The following CNTN5 variants were observed in gnomAD, a reference collection of about 807,000 sequenced individuals.
CNTN5 encodes contactin-5.
A neutral mutation model predicts 129.1 loss-of-function variants in CNTN5; 77 were observed. The ratio of observed to expected loss-of-function variants is 0.60; its 90% CI spans 0.50 to 0.72. CNTN5 has a LOEUF of 0.72. Among genes scored for constraint, CNTN5 ranks in the 30% least tolerant of loss-of-function variants. The pLI, the probability that CNTN5 is intolerant of heterozygous loss-of-function variation, is 0.00. For synonymous variants in CNTN5, 509 were observed against 465.6 expected (o/e 1.09, Z -1.20); for missense variants, 1,478 against 1,328.8 (o/e 1.11, Z -1.75).
At chr11:100,178,151 C>T (rs2138438552) in intron 13 of CNTN5, among the ~76,000 whole-genome samples, 1 of 152,222 alleles carries the variant, frequency 6.6e-6, no homozygotes, top group South Asian at 2.1e-4. Flanking sequence ...AGGAGAATAG[C>T]AGCTCTTTTC....
chr11:99,868,887 T>C (rs568593727), intron 6 of CNTN5, among the ~76,000 whole-genome samples: 1 of 152,284 alleles, frequency 6.6e-6, no homozygotes, highest in South Asian at 2.1e-4. Context: ...TTAGGTACAT[T>C]AGTCTGACAG....
intron 2 of CNTN5, among the ~76,000 whole-genome samples, chr11:99,453,390 A>T (rs1944381647): frequency 6.6e-6 from 1 of 152,218 alleles, no homozygotes; most frequent in Non-Finnish European, 1.5e-5. Flanking sequence ...TCATAACTGA[A>T]ACCATTTGCT....
At chr11:99,140,899 A>ATTTTT (rs71046669) in intron 1 of CNTN5, among the ~76,000 whole-genome samples, 7 of 149,742 alleles carry the variant, frequency 4.7e-5, no homozygotes, top group African/African-American at 1.5e-4. Flanking sequence ...ATTTTCTAGT[A>ATTTTT]TTTTTTTTTT....
chr11:99,797,359 A>G lies in CNTN5; in HGVS notation c.56-22185A>G, dbSNP rs187117879. ...TTTCACGTTGGCTGAGCAAATTTAC[A>G]TACCTGCCAATAGTGTATAAGTGTT... On this transcript the variant is annotated intron_variant, in intron 3 of 24. Transcript: ENST00000524871. Among the ~76,000 whole-genome samples the G allele has an allele frequency of 1.4e-3, 214 of 152,312 alleles. 1 individual carries two copies. Among genetic ancestry groups the G allele is most frequent in the African/African-American group, 5.0e-3 (207 of 41,556 alleles).
intron 13 of CNTN5, among the ~76,000 whole-genome samples, chr11:100,187,323 T>C (rs1390006543): frequency 2.0e-5 from 3 of 151,998 alleles, no homozygotes; most frequent in Non-Finnish European, 4.4e-5. Context: ...AATCAGATTG[T>C]CAGCAAAGCT....
chr11:99,914,782 A>G (rs181600467), intron 6 of CNTN5, among the ~76,000 whole-genome samples: 1 of 152,162 alleles, frequency 6.6e-6, no homozygotes, highest in East Asian at 1.9e-4. Flanking sequence ...TACTTATTAG[A>G]CCCCCATGAT....
chr11:99,083,057 C>T (rs1591162954), intron 1 of CNTN5, among the ~76,000 whole-genome samples: 2 of 149,860 alleles, frequency 1.3e-5, no homozygotes, highest in South Asian at 2.1e-4. Context: ...CACACACACA[C>T]GAAGAAGACA....
At chr11:99,252,497 A>G (rs925913460) in intron 1 of CNTN5, among the ~76,000 whole-genome samples, 1 of 151,894 alleles carries the variant, frequency 6.6e-6, no homozygotes, top group African/African-American at 2.4e-5. Context: ...TTAGGAAAAA[A>G]AAAAAAGAAA....
intron 3 of CNTN5, among the ~76,000 whole-genome samples, chr11:99,759,685 A>C (rs903068437): frequency 1.4e-5 from 2 of 145,748 alleles, no homozygotes; most frequent in African/African-American, 2.5e-5. Context: ...GAAAGATAGC[A>C]TAAGAAAAAG....
rs569157157 is a variant in CNTN5 at position 99,841,423 on chromosome 11, C to T, written c.278-3429C>T. Among the ~76,000 whole-genome samples, 87 of 152,184 alleles carry T rather than the reference C, an allele frequency of 5.7e-4. No individual in the cohort carries two copies. In the South Asian group the frequency reaches 0.01, roughly 18 times the overall value. On this transcript the variant is annotated intron_variant, in intron 4 of 24. Transcript: ENST00000524871. ...TCTTAAAATCAACTGTCTTCTTATA[C>T]GGCTAACTTTGCAGGAGTCTCCTCT...
intron 1 of CNTN5, among the ~76,000 whole-genome samples, chr11:99,144,382 C>T (rs55732753): frequency 0.15 from 23,452 of 152,162 alleles, 1,903 homozygotes; most frequent in Middle Eastern, 0.21. Flanking sequence ...TGCCATATTT[C>T]ATAAGAGAAG....
intron 2 of CNTN5, among the ~76,000 whole-genome samples, chr11:99,516,698 T>C (rs1025441205): frequency 6.6e-6 from 1 of 152,166 alleles, no homozygotes. Context: ...AAATATATTA[T>C]GGAAAACATT....
At chr11:99,532,971 C>G (rs1357851249) in intron 2 of CNTN5, among the ~76,000 whole-genome samples, 2 of 152,154 alleles carry the variant, frequency 1.3e-5, no homozygotes, top group Non-Finnish European at 2.9e-5. Context: ...GCCTGTAATC[C>G]CAGCACTTTG....
chr11:99,772,949 TC>T (rs1376528320), intron 3 of CNTN5, among the ~76,000 whole-genome samples: 1 of 152,058 alleles, frequency 6.6e-6, no homozygotes, highest in Non-Finnish European at 1.5e-5. Context: ...AGATTTTTTT[TC>T]AGTATTTGTA....
At chr11:99,693,204 CTG>C (rs1343402899) in intron 3 of CNTN5, among the ~76,000 whole-genome samples, 1 of 152,022 alleles carries the variant, frequency 6.6e-6, no homozygotes, top group Non-Finnish European at 1.5e-5. Context: ...TTTTCAGTAC[CTG>C]TGTGCACAGC....
intron 9 of CNTN5, among the ~76,000 whole-genome samples, chr11:100,050,838 A>G (rs1427007183): frequency 1.3e-5 from 2 of 152,108 alleles, no homozygotes; most frequent in Non-Finnish European, 2.9e-5. Flanking sequence ...GTTGCCTAAG[A>G]TAAGGATGAA....
At chr11:100,182,093 G>A (rs957274766) in intron 13 of CNTN5, among the ~76,000 whole-genome samples, 1 of 152,062 alleles carries the variant, frequency 6.6e-6, no homozygotes, top group African/African-American at 2.4e-5. Flanking sequence ...AATGGTGTGG[G>A]TTTGTCATAA....
chr11:99,792,981 G>A (rs1328246092), intron 3 of CNTN5, among the ~76,000 whole-genome samples: 2 of 151,698 alleles, frequency 1.3e-5, no homozygotes, highest in Non-Finnish European at 2.9e-5. Context: ...ATCCCCTTTG[G>A]GATATCTGAT....
At chr11:99,342,968 A>AAAAACAAAACAAAAC (rs565338335) in intron 2 of CNTN5, among the ~76,000 whole-genome samples, 1 of 152,174 alleles carries the variant, frequency 6.6e-6, no homozygotes, top group African/African-American at 2.4e-5. Flanking sequence ...ATACAAAACA[A>AAAAACAAAACAAAAC]AAAACAAAAC....
Sources: allele counts gnomAD v4.1 joint callset (sites outside exome capture counted in the v4.1 genomes callset), GRCh38; gene constraint gnomAD v4.1.1; transcripts MANE v1.5; gene names NCBI Gene and HGNC (gene_info 2026-07-23, HGNC 2026-07-21).